COPS4: variants seen among roughly 807,000 people sequenced by gnomAD.
The protein encoded by COPS4 is COP9 signalosome subunit 4, also known as COP9 signalosome complex subunit 4.
Under a neutral mutation model 55.1 loss-of-function variants are expected in COPS4, and 8 were observed. The observed-to-expected ratio is 0.15, with a 90% CI of 0.09 to 0.26. The LOEUF is 0.26. Ranked by LOEUF, COPS4 falls within the 10% of genes least tolerant of loss-of-function variation. The probability of loss-of-function intolerance (pLI) is 1.00; values close to 1 mark genes in which losing one functional copy is unlikely to be tolerated. For synonymous variants in COPS4, 185 were observed against 165.7 expected (o/e 1.12, Z -0.90); for missense variants, 248 against 484.0 (o/e 0.51, Z 4.58).
chr4:83,063,998 C>T (rs1731237861), intron 7 of COPS4, among the ~76,000 whole-genome samples: 1 of 152,144 alleles, frequency 6.6e-6, no homozygotes, highest in Non-Finnish European at 1.5e-5. Context: ...CAGTGCCTGG[C>T]AATACAATCC....
rs561279035 is a variant in COPS4 at position 83,046,704 on chromosome 4, G to A, written c.154+999G>A. Among the ~76,000 whole-genome samples, 4 of 152,280 alleles carry A rather than the reference G, an allele frequency of 2.6e-5. No homozygotes were observed. In the East Asian group the frequency reaches 7.7e-4, roughly 29 times the overall value. ...GAGTTCACATGGAATTTTATAGTGA[G>A]TTCACATCATTAATGATATCTGATA... is the stretch of plus-strand genomic sequence containing the variant. On this transcript the variant is annotated intron_variant, in intron 2 of 9. Transcript: ENST00000264389.
chr4:83,064,902 C>CTTTTTTTTTTTTT (rs1180470999), intron 7 of COPS4, among the ~76,000 whole-genome samples: 6 of 75,178 alleles, frequency 8.0e-5, no homozygotes, highest in Non-Finnish European at 1.2e-4. Flanking sequence ...TTTTTTTTTA[C>CTTTTTTTTTTTTT]TTTTTGAGAC....
intron 4 of COPS4, among the ~76,000 whole-genome samples, chr4:83,056,358 T>G (rs1005687026): frequency 2.6e-5 from 4 of 152,230 alleles, no homozygotes; most frequent in African/African-American, 9.7e-5. Flanking sequence ...ACTAGTCATA[T>G]ATGATATACC....
intron 4 of COPS4, among the ~76,000 whole-genome samples, chr4:83,056,594 C>T (rs562251300): frequency 9.2e-5 from 14 of 152,012 alleles, no homozygotes; most frequent in Admixed American, 3.3e-4. Flanking sequence ...GTCAGGAGAT[C>T]GAAACCATCC....
chr4:83,065,560 T>G (rs1429818674), intron 7 of COPS4, among the ~76,000 whole-genome samples: 1 of 152,216 alleles, frequency 6.6e-6, no homozygotes, highest in Non-Finnish European at 1.5e-5. Flanking sequence ...TTATAGTAGT[T>G]AAATGTTCAG....
In COPS4 at chr4:83,049,192, A is replaced by G. The variant is rs761610880; in HGVS notation, c.181A>G (p.Ile61Val). The G allele has an allele frequency of 6.2e-7, 1 of 1,602,714 alleles. No homozygotes were observed. Among genetic ancestry groups the G allele is most frequent in the South Asian group, 1.1e-5 (1 of 87,832 alleles). The part of the protein sequence containing the change: ...AMVNENVSLV[I>V]SRQLLTDFCT... ...GGTAAATGAGAATGTCAGTCTCGTG[A>G]TCTCGCGGCAGTTGCTGACTGATTT... The change falls in exon 3 of 10, where the codon ATC becomes GTC. Residue 61 changes from isoleucine to valine, a missense_variant. Transcript: ENST00000264389.
chr4:83,052,064 C>T (rs1333835098), intron 4 of COPS4, among the ~76,000 whole-genome samples: 1 of 152,022 alleles, frequency 6.6e-6, no homozygotes, highest in Non-Finnish European at 1.5e-5. Flanking sequence ...CCACTGATAA[C>T]CTTAACCAGC....
chr4:83,063,002 G>A (rs1731200304), intron 6 of COPS4, 74 bp from the exon 7 acceptor site: 1 of 1,324,314 alleles, frequency 7.6e-7, no homozygotes. Flanking sequence ...GAGGTCATAA[G>A]ATAGGTTTTT....
chr4:83,047,811 T>C (rs1730759102), intron 2 of COPS4, among the ~76,000 whole-genome samples: 1 of 151,968 alleles, frequency 6.6e-6, no homozygotes, highest in African/African-American at 2.4e-5. Flanking sequence ...CCATTTTGGC[T>C]AACACGGTGA....
intron 6 of COPS4, among the ~76,000 whole-genome samples, chr4:83,062,239 T>C (rs1340390111): frequency 6.6e-6 from 1 of 152,208 alleles, no homozygotes; most frequent in Non-Finnish European, 1.5e-5. Context: ...AACGAAATAA[T>C]TAATGTTTAT....
chr4:83,070,803 T>C (rs528520678), intron 9 of COPS4, among the ~76,000 whole-genome samples: 7 of 152,366 alleles, frequency 4.6e-5, no homozygotes, highest in Non-Finnish European at 8.8e-5. Context: ...AAACAAATAG[T>C]TAAATCATGT....
chr4:83,057,174 G>A, intron 5 of COPS4, 84 bp from the exon 6 acceptor site: 1 of 1,507,942 alleles, frequency 6.6e-7, no homozygotes. Flanking sequence ...TTAAATATTA[G>A]AAATTGTTTC....
chr4:83,073,231 C>T (rs1731483292), intron 9 of COPS4: 1 of 682,650 alleles, frequency 1.5e-6, no homozygotes, highest in Non-Finnish European at 2.7e-6. Context: ...AATCCATCTT[C>T]TGTCTCTGGA....
intron 7 of COPS4, 102 bp downstream of exon 7, chr4:83,063,348 A>C (rs1218380010): frequency 9.5e-6 from 7 of 734,508 alleles, no homozygotes; most frequent in Non-Finnish European, 1.4e-5. Context: ...ATTCTACATA[A>C]CACTTCCTCA....
chr4:83,042,716 C>A (rs555958268), intron 1 of COPS4, among the ~76,000 whole-genome samples: 1 of 152,034 alleles, frequency 6.6e-6, no homozygotes, highest in Non-Finnish European at 1.5e-5. Flanking sequence ...AATCCTCCCC[C>A]CTCAGCCTCC....
At chr4:83,072,061 T>C (rs905568488) in intron 9 of COPS4, among the ~76,000 whole-genome samples, 3 of 152,044 alleles carry the variant, frequency 2.0e-5, no homozygotes, top group Non-Finnish European at 4.4e-5. Context: ...AAATATTTTT[T>C]TCCATTCTGT....
At position 83,049,280 on chromosome 4, in the gene COPS4, A is replaced by G. The variant is rs1223336781; in HGVS notation, c.269A>G (p.Glu90Gly). ...TAKEIYHFTLEKIQPRVISFE... is the reference protein window; with the variant it reads ...TAKEIYHFTLGKIQPRVISFE... ...AAAGAAATCTATCACTTCACCTTGG[A>G]AAAGATCCAGCCTAGAGTCATTTCA... The change falls in exon 3 of 10, where the codon GAA becomes GGA. Residue 90 changes from glutamate to glycine, a missense_variant. Transcript: ENST00000264389. The G allele has an allele frequency of 1.2e-6, 2 of 1,610,572 alleles. No homozygotes were observed. The highest frequency in any genetic ancestry group is 3.4e-5 in the Admixed American group (2 of 59,354).
intron 6 of COPS4, among the ~76,000 whole-genome samples, chr4:83,060,288 A>G (rs1193471489): frequency 7.4e-6 from 1 of 134,842 alleles, no homozygotes; most frequent in Admixed American, 7.9e-5. Context: ...GGTTCACGCC[A>G]TTCTCCTGCC....
chr4:83,040,444 A>G (rs34836925), intron 1 of COPS4, among the ~76,000 whole-genome samples: 1 of 151,984 alleles, frequency 6.6e-6, no homozygotes, highest in Non-Finnish European at 1.5e-5. Flanking sequence ...TGGTCTTGGG[A>G]TAGAATTTGT....
Sources: allele counts gnomAD v4.1 joint callset (sites outside exome capture counted in the v4.1 genomes callset), GRCh38; gene constraint gnomAD v4.1.1; transcripts MANE v1.5; gene names NCBI Gene and HGNC (gene_info 2026-07-23, HGNC 2026-07-21).